Variants in SLC44A4 observed in about 807,000 individuals in gnomAD.
SLC44A4 encodes solute carrier family 44 member 4.
SLC44A4 carries 74 observed loss-of-function variants against 97.0 expected under a neutral mutation model. The observed-to-expected ratio is 0.76, with a 90% CI of 0.63 to 0.93. The LOEUF (loss-of-function observed/expected upper bound fraction) is 0.93, where lower values mean the gene tolerates loss of function less well. Ranked by LOEUF, SLC44A4 falls within the 40% of genes least tolerant of loss-of-function variation. The pLI, the probability that SLC44A4 is intolerant of heterozygous loss-of-function variation, is 0.00. For synonymous variants in SLC44A4, 325 were observed against 363.8 expected, an observed-to-expected ratio of 0.89 and a Z score of 1.21; for missense variants, 799 against 902.9, an observed-to-expected ratio of 0.88 and a Z score of 1.48.
intron 12 of SLC44A4, 50 bp downstream of exon 12, chr6:31,869,495 C>T (rs1246858871): frequency 6.7e-7 from 1 of 1,483,570 alleles, no homozygotes; most frequent in Admixed American, 1.9e-5. Context: ...CTTTGTTTTC[C>T]ATCACCCCCC....
chr6:31,875,035 G>T lies in SLC44A4; in HGVS notation c.243-7C>A. On this transcript the variant is annotated splice_region_variant and splice_polypyrimidine_tract_variant and intron_variant, in intron 4 of 20. Transcript: ENST00000229729. ...CAGGAGATACGGCTTATCTCTGTGG[G>T]AGGGGAGGGACCATGTGCATCAGGG... is the stretch of plus-strand genomic sequence containing the variant. 1 of 1,607,424 alleles carries T rather than the reference G, an allele frequency of 6.2e-7. No individual in the cohort carries two copies.
At chr6:31,867,824 C>CTA (rs34597928) in intron 13 of SLC44A4, among the ~76,000 whole-genome samples, 1 of 137,616 alleles carries the variant, frequency 7.3e-6, no homozygotes, top group Non-Finnish European at 1.5e-5. Flanking sequence ...GTAAATAAAC[C>CTA]TTTTTTTTTT....
In SLC44A4 at chr6:31,870,650, C is replaced by T. The variant is rs1288423402; in HGVS notation, c.990G>A (p.Leu330=). The change falls in exon 11 of 21, where the codon CTG becomes CTA. Residue 330 remains leucine, a synonymous_variant. Transcript: ENST00000229729. The part of the protein sequence containing the change: ...EAILLLMLIF[L]RQRIRIAIAL... Reference sequence around the variant, plus strand: ...CGATGGCAATACGAATCCGCTGCCGCAGGAAGATGAGCATCAGCAGCAGGA... The same window carrying T: ...CGATGGCAATACGAATCCGCTGCCGTAGGAAGATGAGCATCAGCAGCAGGA... 6.2e-7 allele frequency: 1 copy of T among 1,610,300 alleles called. No homozygotes were observed. Among genetic ancestry groups the T allele is most frequent in the Non-Finnish European group, 8.5e-7 (1 of 1,178,778 alleles).
In SLC44A4 at chr6:31,869,188, C is replaced by G. The variant is rs746173709; in HGVS notation, c.1200G>C (p.Glu400Asp). The G allele has an allele frequency of 1.9e-6, 3 of 1,610,620 alleles. No homozygotes were observed. Among genetic ancestry groups the G allele is most frequent in the Non-Finnish European group, 8.5e-7 (1 of 1,179,000 alleles). ...WASNISSPGC[E>D]KVPINTSCNP... The stretch of plus-strand genomic sequence containing the variant: ...TGCATGATGTATTTATTGGCACTTT[C>G]TCACAGCCGGGGGAGCTGATGTTGG... The change falls in exon 13 of 21, where the codon GAG becomes GAC. Residue 400 changes from glutamate to aspartate, a missense_variant. Physicochemically the swap from Glu to Asp is conservative, Grantham distance 45. Around this residue, in one of 3 missense-constraint regions of SLC44A4, gnomAD observed 379 missense variants for 438.3 expected, o/e 0.86. Transcript: ENST00000229729.
rs1207147224 is a variant in SLC44A4 at position 31,877,351 on chromosome 6, A to G, written c.41-269T>C. 6.6e-6 allele frequency among the ~76,000 whole-genome samples: 1 copy of G among 152,082 alleles called. No homozygotes were observed. The highest frequency in any genetic ancestry group is 1.9e-4 in the East Asian group (1 of 5,192). On this transcript the variant is annotated intron_variant, in intron 1 of 20. Coordinates refer to ENST00000229729, the MANE Select transcript of SLC44A4 (RefSeq NM_025257.3). This position sits in a 1 kb window ranked among gnomAD's most constrained non-coding sequence, Gnocchi z 6.5. ...TAGTTTCCGGCTCACATCTCAAGGC[A>G]GTCAGTCTGGGAAATGGCCTTGGTC...
In SLC44A4 at chr6:31,876,280, T is replaced by C. The variant is rs1350184620; in HGVS notation, c.90-151A>G. ...TTATTTTTTTATTGCTTTTACTTTTTTATTTTGAGACAGGGTCTCACTCTG... is the reference window on the plus strand; with the variant it reads ...TTATTTTTTTATTGCTTTTACTTTTCTATTTTGAGACAGGGTCTCACTCTG... On this transcript the variant is annotated intron_variant, in intron 2 of 20. Coordinates refer to ENST00000229729, the MANE Select transcript of SLC44A4 (RefSeq NM_025257.3). The surrounding 1 kb of genome is among the most constrained non-coding windows in gnomAD (Gnocchi z 4.8). 4 of 620,384 alleles carry C rather than the reference T, an allele frequency of 6.4e-6. No individual in the cohort carries two copies. In the Admixed American group the frequency reaches 9.4e-5, roughly 15 times the overall value. 38.4% of individuals were successfully genotyped at this position (620,384 alleles called of 1,614,324 possible).
chr6:31,869,358 CAG>C, intron 12 of SLC44A4, 101 bp from the exon 13 acceptor site: 1 of 1,034,732 alleles, frequency 9.7e-7, no homozygotes, highest in Non-Finnish European at 1.4e-6. Context: ...GTTTGCTGCA[CAG>C]AGAGGGCTGA....
Position 31,874,933 on chromosome 6 carries a change from G to C in SLC44A4, c.338C>G (p.Pro113Arg). The change falls in exon 5 of 21, where the codon CCC (proline) becomes CGC (arginine). Residue 113 changes from proline (P) to arginine (R), a missense_variant. Pro to Arg is a moderately radical substitution (Grantham distance 103). Transcript: ENST00000229729. The surrounding 1 kb of genome is among the most constrained non-coding windows in gnomAD (Gnocchi z 4.8). The part of the protein sequence containing the change: ...VAENGLQCPT[P>R]QVCVSSCPED... ...AGGCAGGTCCCAGGCTCTGACCTGG[G>C]GTGTGGGGCACTGTAGGCCGTTCTC... 6.2e-7 allele frequency: 1 copy of C among 1,613,904 alleles called. No individual in the cohort carries two copies. Among genetic ancestry groups the C allele is most frequent in the Non-Finnish European group, 8.5e-7 (1 of 1,179,982 alleles).
In SLC44A4 at chr6:31,865,219, A is replaced by G; in HGVS notation, c.1760+96T>C. On this transcript the variant is annotated intron_variant, in intron 17 of 20. Transcript: ENST00000229729. The surrounding 1 kb of genome is among the most constrained non-coding windows in gnomAD (Gnocchi z 5.2). ...ATGGCAAGAGCAGAGCACTAAACTA[A>G]GTCTAGGGCCCGACTGAGCACAGCA... 6.5e-7 allele frequency: 1 copy of G among 1,542,408 alleles called. No individual in the cohort carries two copies. The highest frequency in any genetic ancestry group is 9.0e-7 in the Non-Finnish European group (1 of 1,115,264).
Position 31,865,627 on chromosome 6 carries a change from G to C in SLC44A4, c.1583-26C>G, listed in dbSNP as rs1057214009. Reference sequence around the variant, plus strand: ...CTGGGAGCGAGGAAGGCTCATGTTTGGTCACTGCCCCTCCCTAATGGCCTT... The same window carrying C: ...CTGGGAGCGAGGAAGGCTCATGTTTCGTCACTGCCCCTCCCTAATGGCCTT... On this transcript the variant is annotated intron_variant, in intron 15 of 20. Transcript: ENST00000229729. This position sits in a 1 kb window ranked among gnomAD's most constrained non-coding sequence, Gnocchi z 5.2. The C allele has an allele frequency of 6.2e-7, 1 of 1,609,586 alleles. No individual in the cohort carries two copies. The highest frequency in any genetic ancestry group is 1.1e-5 in the South Asian group (1 of 91,016).
rs747359342 is a variant in SLC44A4 at position 31,866,162 on chromosome 6, A to G, written c.1234-36T>C. The G allele has an allele frequency of 1.0e-5, 16 of 1,606,652 alleles. No individual in the cohort carries two copies. The African/African-American group carries it at 1.9e-4, about 19-fold the overall frequency. On this transcript the variant is annotated intron_variant, in intron 13 of 20. Transcript: ENST00000229729. The stretch of plus-strand genomic sequence containing the variant: ...AGACGGGGATAGAGTAGGCTCAGGC[A>G]TCGGGGGCCTCAGTATGGAGCCTGG...
At position 31,876,506 on chromosome 6, in the gene SLC44A4, T is replaced by C. The variant is rs2151571905; in HGVS notation, c.90-377A>G. ...GCTCACGACTGTAATACTAGCTACT[T>C]GGGAGGCTGAGGCAGGGCAATCCCT... On this transcript the variant is annotated intron_variant, in intron 2 of 20. Transcript: ENST00000229729. The surrounding 1 kb of genome is among the most constrained non-coding windows in gnomAD (Gnocchi z 4.8). Among the ~76,000 whole-genome samples, 1 of 152,194 alleles carries C rather than the reference T, an allele frequency of 6.6e-6. No individual in the cohort carries two copies. Among genetic ancestry groups the C allele is most frequent in the South Asian group, 2.1e-4 (1 of 4,820 alleles).
rs1172794220 is a variant in SLC44A4, at chr6:31,865,643, T to C, written c.1583-42A>G. 2 of 1,611,726 alleles carry C rather than the reference T, an allele frequency of 1.2e-6. No individual in the cohort carries two copies. Among genetic ancestry groups the C allele is most frequent in the Non-Finnish European group, 1.7e-6 (2 of 1,178,926 alleles). On this transcript the variant is annotated intron_variant, in intron 15 of 20. Transcript: ENST00000229729. This position sits in a 1 kb window ranked among gnomAD's most constrained non-coding sequence, Gnocchi z 5.2. Reference sequence around the variant, plus strand: ...CTCATGTTTGGTCACTGCCCCTCCCTAATGGCCTTCCCCAGCTCCTGACTC... The same window carrying C: ...CTCATGTTTGGTCACTGCCCCTCCCCAATGGCCTTCCCCAGCTCCTGACTC...
chr6:31,877,047 G>A lies in SLC44A4; in HGVS notation c.76C>T (p.Pro26Ser), dbSNP rs201797354. 111 of 1,609,654 alleles carry A rather than the reference G, an allele frequency of 6.9e-5. No individual in the cohort carries two copies. Among genetic ancestry groups the A allele is most frequent in the Non-Finnish European group, 3.4e-6 (4 of 1,178,956 alleles). ...CCCAGAGCTCACCTGTTCTTGATGG[G>A]GCCTCGAAAGGAGGGGTCGTATTTG... ...PVKYDPSFRG[P>S]IKNRSCTDVI... Residue 26 changes from proline to serine, a missense_variant, in exon 2 of 21, where the codon CCC becomes TCC. Around this residue, in one of 3 missense-constraint regions of SLC44A4, gnomAD observed 409 missense variants for 434.1 expected, o/e 0.94. Transcript: ENST00000229729. The surrounding 1 kb of genome is among the most constrained non-coding windows in gnomAD (Gnocchi z 6.5).
chr6:31,871,137 C>A, intron 9 of SLC44A4, 90 bp from the exon 10 acceptor site: 2 of 1,318,522 alleles, frequency 1.5e-6, no homozygotes, highest in Non-Finnish European at 2.1e-6. Context: ...CACACACCAC[C>A]CAATGTCCCC....
chr6:31,865,330 A>G lies in SLC44A4; in HGVS notation c.1745T>C (p.Met582Thr), dbSNP rs150931872. The change falls in exon 17 of 21, where the codon ATG (methionine) becomes ACG (threonine). Residue 582 changes from methionine to threonine, a missense_variant. Around this residue, in one of 3 missense-constraint regions of SLC44A4, gnomAD observed 379 missense variants for 438.3 expected, o/e 0.86. Coordinates refer to ENST00000229729, the MANE Select transcript of SLC44A4 (RefSeq NM_025257.3). The surrounding 1 kb of genome is among the most constrained non-coding windows in gnomAD (Gnocchi z 5.2). ...GCAGCCTAACCTGACAATGTTTCGC[A>G]TGAGTAGCATGAACGCATTTTTGGC... ...VSAKNAFMLL[M>T]RNIVRVVVLD... is the part of the protein sequence containing the mutation. 44 of 1,613,926 alleles carry G rather than the reference A, an allele frequency of 2.7e-5. No homozygotes were observed. Among genetic ancestry groups the G allele is most frequent in the African/African-American group, 4.0e-5 (3 of 74,904 alleles).
At position 31,869,250 on chromosome 6, in the gene SLC44A4, C is replaced by G; in HGVS notation, c.1138G>C (p.Ala380Pro). The G allele has an allele frequency of 6.2e-7, 1 of 1,604,438 alleles. No individual in the cohort carries two copies. The highest frequency in any genetic ancestry group is 8.5e-7 in the Non-Finnish European group (1 of 1,175,842). Residue 380 changes from alanine to proline, a missense_variant, in exon 13 of 21, where the codon GCT (alanine) becomes CCT (proline). Physicochemically the swap from Ala to Pro is conservative, Grantham distance 27. Around this residue, in one of 3 missense-constraint regions of SLC44A4, gnomAD observed 379 missense variants for 438.3 expected, o/e 0.86. Coordinates refer to ENST00000229729, the MANE Select transcript of SLC44A4 (RefSeq NM_025257.3). ...ACATACTGGGGTTGCCCCGATGTAG[C>G]CAGGTACCCAGAGGGGAGTCAAGGA... ...AYWAMTALYL[A>P]TSGQPQYVLW...
chr6:31,870,332 C>A (rs529137613), intron 11 of SLC44A4, among the ~76,000 whole-genome samples: 1 of 152,220 alleles, frequency 6.6e-6, no homozygotes, highest in African/African-American at 2.4e-5. Flanking sequence ...CCGTTCCACT[C>A]AGCCACCACC....
rs765742817 is a variant in SLC44A4, at chr6:31,874,854, CAG to C, written c.343-10_343-9del. The C allele has an allele frequency of 1.9e-6, 3 of 1,612,098 alleles. No homozygotes were observed. Among genetic ancestry groups the C allele is most frequent in the Non-Finnish European group, 2.5e-6 (3 of 1,179,110 alleles). On this transcript the variant is annotated splice_polypyrimidine_tract_variant and intron_variant, in intron 5 of 20. Transcript: ENST00000229729. This position sits in a 1 kb window ranked among gnomAD's most constrained non-coding sequence, Gnocchi z 4.8. ...GCAGGAGGACACACACACCTGGGTG[CAG>C]AGAGAACACTAAGGGGCTGGAACCT...
Sources: allele counts gnomAD v4.1 joint callset (sites outside exome capture counted in the v4.1 genomes callset), GRCh38; gene constraint gnomAD v4.1.1; regional missense constraint gnomAD v4.1.1; non-coding constraint Gnocchi (gnomAD v3.1); transcripts MANE v1.5; gene names NCBI Gene and HGNC (gene_info 2026-07-23, HGNC 2026-07-21).